Variants in FRMPD4 observed in about 807,000 individuals in gnomAD.
The protein encoded by FRMPD4 is FERM and PDZ domain containing 4, also known as FERM and PDZ domain-containing protein 4.
Under a neutral mutation model 94.1 loss-of-function variants are expected in FRMPD4, and 22 were observed. That is an observed-to-expected ratio of 0.23 (90% CI 0.17 to 0.33). The LOEUF (loss-of-function observed/expected upper bound fraction) is 0.33. Among genes scored for constraint, FRMPD4 ranks in the 10% least tolerant of loss-of-function variants. The pLI, the probability that FRMPD4 is intolerant of heterozygous loss-of-function variation, is 1.00. For missense variants in FRMPD4, 1,111 were observed against 1,339.9 expected, an observed-to-expected ratio of 0.83 and a Z score of 2.67; for synonymous variants, 631 against 548.6, an observed-to-expected ratio of 1.15 and a Z score of -2.10.
intron 3 of FRMPD4, among the ~76,000 whole-genome samples, chrX:12,115,336 C>T (rs762761083): frequency 3.9e-4 from 43 of 111,541 alleles, no homozygotes; most frequent in African/African-American, 1.2e-3. Context: ...CACCAACATG[C>T]TTGGCTAAGT....
At chrX:11,854,529 T>C (rs751373811) in intron 1 of FRMPD4, among the ~76,000 whole-genome samples, 1 of 112,370 alleles carries the variant, frequency 8.9e-6, no homozygotes, top group Admixed American at 9.4e-5. Flanking sequence ...ACTTCCTAGA[T>C]ACAATGGGGG....
At position 12,717,758 on chromosome X, in the gene FRMPD4, G is replaced by A; in HGVS notation, c.2932G>A (p.Asp978Asn). 8.3e-7 allele frequency: 1 copy of A among 1,211,810 alleles called. No individual in the cohort carries two copies. The highest frequency in any genetic ancestry group is 2.2e-5 in the Admixed American group (1 of 46,088). ...SHALAARPAT[D>N]LPPKVVPSKQ... ...CGCCCTGGCTGCTAGGCCAGCAACC[G>A]ACCTCCCGCCCAAAGTTGTGCCTTC... The change falls in exon 16 of 17, where the codon GAC (aspartate) becomes AAC (asparagine). Residue 978 changes from aspartate to asparagine, a missense_variant. By Grantham distance (23) the Asp-to-Asn change is conservative. Coordinates refer to ENST00000675598, the MANE Select transcript of FRMPD4 (RefSeq NM_001368397.1).
intron 3 of FRMPD4, among the ~76,000 whole-genome samples, chrX:11,884,985 G>A (rs1278293398): frequency 9.0e-6 from 1 of 111,329 alleles, no homozygotes; most frequent in Non-Finnish European, 1.9e-5. Flanking sequence ...CAGGCCCATC[G>A]AAATGGATGC....
In FRMPD4 at chrX:12,138,610, C is replaced by A; in HGVS notation, c.-362C>A. ...AGAGCAGCGCCTCTCGCCCAGGCCT[C>A]GCTTTCTCTGGACGCCCGGCAGTCC... is the stretch of plus-strand genomic sequence containing the variant. On this transcript the variant is annotated 5_prime_UTR_variant, in exon 1 of 17. Transcript: ENST00000675598. The A allele has an allele frequency of 7.0e-6, 2 of 284,890 alleles. No homozygotes were observed. Among genetic ancestry groups the A allele is most frequent in the Non-Finnish European group, 1.2e-5 (2 of 162,450 alleles). 23.5% of individuals were successfully genotyped at this position (284,890 alleles called of 1,213,427 possible). A position where few individuals can be genotyped will look rare whatever the true frequency, so the allele number is the denominator to read the frequency against.
At chrX:12,699,747 A>G (rs1169860566) in intron 9 of FRMPD4, among the ~76,000 whole-genome samples, 2 of 112,884 alleles carry the variant, frequency 1.8e-5, no homozygotes, top group Non-Finnish European at 3.7e-5. Context: ...ATACAAATAT[A>G]TTTAACGTAT....
chrX:12,274,327 G>A (rs1243601418), intron 1 of FRMPD4, among the ~76,000 whole-genome samples: 1 of 111,654 alleles, frequency 9.0e-6, no homozygotes, highest in Non-Finnish European at 1.9e-5. Flanking sequence ...AGTTTCTGAA[G>A]TAGCCTTGCA....
intron 3 of FRMPD4, among the ~76,000 whole-genome samples, chrX:12,120,111 A>C (rs2055442261): frequency 8.9e-6 from 1 of 112,614 alleles, no homozygotes. Flanking sequence ...TTATGAATTA[A>C]GTGTAAAAGC....
Position 12,183,376 on chromosome X carries a change from C to T in FRMPD4, c.41+44364C>T, listed in dbSNP as rs181263949. ...ACCCCAAATCTGTCCTTCACAAGCA[C>T]GGCTTATCCTCCACAAATCCACAAA... On this transcript the variant is annotated intron_variant, in intron 1 of 16. Transcript: ENST00000675598. 5.3e-4 allele frequency among the ~76,000 whole-genome samples: 59 copies of T among 112,021 alleles called. 1 individual carries two copies. Among genetic ancestry groups the T allele is most frequent in the Admixed American group, 1.9e-4 (2 of 10,572 alleles).
At chrX:12,169,972 G>A (rs991329489) in intron 1 of FRMPD4, among the ~76,000 whole-genome samples, 4 of 111,861 alleles carry the variant, frequency 3.6e-5, no homozygotes, top group Non-Finnish European at 5.6e-5. Flanking sequence ...TTGTCAACCT[G>A]TGATCTAAGT....
chrX:11,929,304 AG>A (rs1272730855), intron 3 of FRMPD4, among the ~76,000 whole-genome samples: 1 of 112,172 alleles, frequency 8.9e-6, no homozygotes, highest in Non-Finnish European at 1.9e-5. Context: ...ACTATGTCAC[AG>A]GGGAGGCTTA....
At chrX:12,313,553 G>A (rs2055068123) in intron 1 of FRMPD4, among the ~76,000 whole-genome samples, 1 of 112,663 alleles carries the variant, frequency 8.9e-6, no homozygotes, top group South Asian at 3.6e-4. Context: ...TAGGAGGAAT[G>A]AGCAAATGGA....
At chrX:12,062,080 A>T (rs1389993919) in intron 3 of FRMPD4, among the ~76,000 whole-genome samples, 1 of 111,963 alleles carries the variant, frequency 8.9e-6, no homozygotes, top group Non-Finnish European at 1.9e-5. Context: ...AGTCATAGGA[A>T]TAAAATATAA....
At chrX:12,375,985 A>T (rs1181380736) in intron 1 of FRMPD4, among the ~76,000 whole-genome samples, 1 of 111,938 alleles carries the variant, frequency 8.9e-6, no homozygotes, top group Non-Finnish European at 1.9e-5. Flanking sequence ...TTTCTTTGAG[A>T]AATGGGGAAA....
intron 1 of FRMPD4, among the ~76,000 whole-genome samples, chrX:12,237,986 A>G (rs2057089414): frequency 8.9e-6 from 1 of 112,295 alleles, no homozygotes; most frequent in Admixed American, 9.4e-5. Flanking sequence ...TTATTGGTTC[A>G]CAGCTACAGG....
intron 1 of FRMPD4, among the ~76,000 whole-genome samples, chrX:12,367,186 G>T (rs1041299295): frequency 8.9e-6 from 1 of 111,821 alleles, no homozygotes; most frequent in African/African-American, 3.3e-5. Flanking sequence ...AGGATGACTA[G>T]AAGTTCTCAA....
intron 1 of FRMPD4, among the ~76,000 whole-genome samples, chrX:12,453,753 C>A (rs1009954999): frequency 5.6e-5 from 2 of 35,588 alleles, no homozygotes; most frequent in Admixed American, 2.7e-4. Context: ...CTAGGGATAA[C>A]AGCATCTGAA....
chrX:11,884,616 C>T (rs981876751), intron 3 of FRMPD4, among the ~76,000 whole-genome samples: 13 of 111,097 alleles, frequency 1.2e-4, no homozygotes, highest in Admixed American at 5.8e-4. Context: ...CACACATACA[C>T]ATAATATGAA....
intron 2 of FRMPD4, among the ~76,000 whole-genome samples, chrX:12,523,252 G>A (rs1461149107): frequency 9.0e-6 from 1 of 111,697 alleles, no homozygotes; most frequent in Non-Finnish European, 1.9e-5. Context: ...ACAACAAACT[G>A]AGGTTGTTAG....
At chrX:12,071,020 G>T (rs1385912458) in intron 3 of FRMPD4, among the ~76,000 whole-genome samples, 1 of 111,964 alleles carries the variant, frequency 8.9e-6, no homozygotes, top group Non-Finnish European at 1.9e-5. Context: ...ATTTATGAGA[G>T]ACTGGCTAAA....
Sources: allele counts gnomAD v4.1 joint callset (sites outside exome capture counted in the v4.1 genomes callset), GRCh38; gene constraint gnomAD v4.1.1; transcripts MANE v1.5; gene names NCBI Gene and HGNC (gene_info 2026-07-23, HGNC 2026-07-21).